LRRC42: variants seen among roughly 807,000 people sequenced by gnomAD.
LRRC42 encodes the protein leucine-rich repeat-containing protein 42.
Under a neutral mutation model 44.3 loss-of-function variants are expected in LRRC42, and 43 were observed. That is an observed-to-expected ratio of 0.97 (90% CI 0.76 to 1.25). The LOEUF is 1.25. Ranked by LOEUF, LRRC42 falls within the 50% of genes most tolerant of loss-of-function variation. The pLI, the probability that LRRC42 is intolerant of heterozygous loss-of-function variation, is 0.00. For missense variants in LRRC42, 540 were observed against 509.1 expected, an observed-to-expected ratio of 1.06 and a Z score of -0.58; for synonymous variants, 207 against 195.2, an observed-to-expected ratio of 1.06 and a Z score of -0.50.
chr1:53,961,921 C>A, intron 5 of LRRC42, 113 bp from the exon 6 acceptor site: 1 of 739,560 alleles, frequency 1.4e-6, no homozygotes, highest in Non-Finnish European at 2.3e-6. Flanking sequence ...AGTTTGCCAA[C>A]TCAAATGTTT....
chr1:53,962,440 T>G (rs1364830052), intron 7 of LRRC42, 31 bp downstream of exon 7: 1 of 1,337,992 alleles, frequency 7.5e-7, no homozygotes, highest in Non-Finnish European at 1.1e-6. Context: ...TTGCGGTTGA[T>G]GCAGCTTTTC....
chr1:53,960,130 G>C (rs1437721427), intron 4 of LRRC42, among the ~76,000 whole-genome samples: 1 of 151,940 alleles, frequency 6.6e-6, no homozygotes, highest in African/African-American at 2.4e-5. Context: ...TAACTCCTGG[G>C]CCCAAGTGAT....
At chr1:53,947,221 G>A (rs1654521452) in intron 1 of LRRC42, among the ~76,000 whole-genome samples, 1 of 151,942 alleles carries the variant, frequency 6.6e-6, no homozygotes, top group Non-Finnish European at 1.5e-5. Flanking sequence ...GCTCGGAAGG[G>A]CTGGAAGGGT....
Position 53,962,089 on chromosome 1 carries a change from A to C in LRRC42, c.780A>C (p.Leu260=). The change falls in exon 6 of 9, where the codon CTA becomes CTC. Residue 260 remains leucine (L), a synonymous_variant. Coordinates refer to ENST00000371370, the MANE Select transcript of LRRC42 (RefSeq NM_001256409.2). Reference sequence around the variant, plus strand: ...GATACCTCTTTTCTTTTAGGAAACTAAACTGCTTAGATATCTCTGGGACAG... The same window carrying C: ...GATACCTCTTTTCTTTTAGGAAACTCAACTGCTTAGATATCTCTGGGACAG... ...GIGYLFSFRK[L]NCLDISGTGL... 6.2e-7 allele frequency: 1 copy of C among 1,614,026 alleles called. No homozygotes were observed. Among genetic ancestry groups the C allele is most frequent in the East Asian group, 2.2e-5 (1 of 44,872 alleles).
chr1:53,956,568 A>G (rs1484656354), intron 3 of LRRC42, among the ~76,000 whole-genome samples: 1 of 152,186 alleles, frequency 6.6e-6, no homozygotes, highest in East Asian at 1.9e-4. Flanking sequence ...ATCCAAACTC[A>G]GGTCTGGTCT....
chr1:53,957,578 T>C (rs956849262), intron 3 of LRRC42, among the ~76,000 whole-genome samples: 4 of 152,224 alleles, frequency 2.6e-5, no homozygotes, highest in African/African-American at 9.6e-5. Context: ...TGAGTCCTTG[T>C]AGCAGTCTTG....
In LRRC42 at chr1:53,952,374, A is replaced by G; in HGVS notation, c.375A>G (p.Arg125=). The change falls in exon 3 of 9, where the codon AGA becomes AGG. Residue 125 remains arginine (R), a synonymous_variant. Transcript: ENST00000371370. ...AGCTGTTCTCTGCTGCTGAAGCCAG[A>G]CAGAAATTCACTGAGCCAGGTGCAG... ...AEKLFSAAEA[R]QKFTEPGAGL... The G allele has an allele frequency of 1.2e-6, 2 of 1,614,034 alleles. No homozygotes were observed. Among genetic ancestry groups the G allele is most frequent in the Non-Finnish European group, 1.7e-6 (2 of 1,179,864 alleles).
intron 4 of LRRC42, among the ~76,000 whole-genome samples, chr1:53,958,592 T>A (rs1272548763): frequency 1.3e-5 from 2 of 152,212 alleles, no homozygotes. Flanking sequence ...TTTTTATTTT[T>A]ATTTTTTTTG....
chr1:53,958,136 C>G lies in LRRC42; in HGVS notation c.474-13C>G. The G allele has an allele frequency of 6.2e-7, 1 of 1,613,118 alleles. No homozygotes were observed. The highest frequency in any genetic ancestry group is 8.5e-7 in the Non-Finnish European group (1 of 1,179,382). ...GTGAGGGGAAGCTATTGATTGCTCT[C>G]CACGCTCCGTAGGTATCTCGTGATT... On this transcript the variant is annotated splice_polypyrimidine_tract_variant and intron_variant, in intron 3 of 8. Coordinates refer to ENST00000371370, the MANE Select transcript of LRRC42 (RefSeq NM_001256409.2).
Position 53,962,040 on chromosome 1 carries a change from C to G in LRRC42, c.731C>G (p.Pro244Arg). 1 of 1,612,160 alleles carries G rather than the reference C, an allele frequency of 6.2e-7. No individual in the cohort carries two copies. Among genetic ancestry groups the G allele is most frequent in the Non-Finnish European group, 8.5e-7 (1 of 1,178,590 alleles). ...NLTLLDLSCN[P>R]EITDAGIGYL... ...CGTTGTTTTTGACATCTAGGTAACC[C>G]TGAGATCACAGATGCAGGCATTGGA... Residue 244 changes from proline to arginine, a missense_variant, in exon 6 of 9, where the codon CCT (proline) becomes CGT (arginine). Physicochemically the swap from Pro to Arg is moderately radical, Grantham distance 103. Coordinates refer to ENST00000371370, the MANE Select transcript of LRRC42 (RefSeq NM_001256409.2).
intron 4 of LRRC42, 109 bp from the exon 5 acceptor site, chr1:53,960,247 G>A: frequency 1.3e-6 from 1 of 760,708 alleles, no homozygotes; most frequent in Non-Finnish European, 2.2e-6. Flanking sequence ...AATAGCAAGA[G>A]GTAGAGGATA....
chr1:53,958,344 GGATTATCTTCAGGAATGCT>G lies in LRRC42; in HGVS notation c.605+70_605+88del, dbSNP rs1654901957. On this transcript the variant is annotated intron_variant, in intron 4 of 8. Coordinates refer to ENST00000371370, the MANE Select transcript of LRRC42 (RefSeq NM_001256409.2). ...TATTGTTTTAAAGGCTGATCCAACA[GGATTATCTTCAGGAATGCT>G]GATTACTTCCCATTCTTATGTTGAT... 4.4e-6 allele frequency: 7 copies of G among 1,585,256 alleles called. No homozygotes were observed. The South Asian group carries it at 7.9e-5, about 18-fold the overall frequency.
chr1:53,961,088 G>T (rs1295690415), intron 5 of LRRC42, among the ~76,000 whole-genome samples: 1 of 152,178 alleles, frequency 6.6e-6, no homozygotes, highest in African/African-American at 2.4e-5. Flanking sequence ...TTGAGCATTG[G>T]TTTTGGCCTT....
intron 7 of LRRC42, 117 bp downstream of exon 7, chr1:53,962,526 T>C: frequency 1.4e-6 from 1 of 697,612 alleles, no homozygotes; most frequent in Non-Finnish European, 2.5e-6. Context: ...TAAATTGTCA[T>C]CTTCATGTCA....
chr1:53,950,283 G>A (rs954219275), intron 2 of LRRC42, among the ~76,000 whole-genome samples: 2 of 152,248 alleles, frequency 1.3e-5, no homozygotes, highest in East Asian at 3.8e-4. Flanking sequence ...AGTGGGACAT[G>A]AGAGCATGGC....
At position 53,952,572 on chromosome 1, in the gene LRRC42, A is replaced by C. The variant is rs2100919199; in HGVS notation, c.473+100A>C. ...TCAGGGGCTTCCCTCATCAAATAGC[A>C]CTTCAGTTTAGAACTTCCAAATATG... On this transcript the variant is annotated intron_variant, in intron 3 of 8. Transcript: ENST00000371370. 4 of 935,190 alleles carry C rather than the reference A, an allele frequency of 4.3e-6. No homozygotes were observed. The East Asian group carries it at 1.0e-4, about 24-fold the overall frequency. 57.9% of individuals were successfully genotyped at this position (935,190 alleles called of 1,614,324 possible).
intron 5 of LRRC42, among the ~76,000 whole-genome samples, chr1:53,961,064 G>A (rs1654980690): frequency 6.6e-6 from 1 of 152,214 alleles, no homozygotes; most frequent in Non-Finnish European, 1.5e-5. Context: ...CTTCAGACCA[G>A]TTATTTAACC....
At chr1:53,966,478 T>C (rs1655131930) in intron 8 of LRRC42, 98 bp downstream of exon 8, 1 of 777,900 alleles carries the variant, frequency 1.3e-6, no homozygotes, top group Non-Finnish European at 2.2e-6. Flanking sequence ...ATTATGATAG[T>C]ATTGGCTTAT....
chr1:53,952,814 T>C (rs926487734), intron 3 of LRRC42, among the ~76,000 whole-genome samples: 1 of 152,242 alleles, frequency 6.6e-6, no homozygotes, highest in Non-Finnish European at 1.5e-5. Flanking sequence ...GGGAGATTAG[T>C]ACCCAGAGTT....
Sources: gnomAD v4.1 joint callset for allele counts (sites outside exome capture counted in the v4.1 genomes callset) on GRCh38, gnomAD v4.1.1 for gene constraint, MANE v1.5 for transcripts, NCBI Gene and HGNC (gene_info 2026-07-23, HGNC 2026-07-21) for gene names.